Variants in ADGRL3 observed in about 807,000 individuals in gnomAD.
The protein encoded by ADGRL3 is calcium-independent alpha-latrotoxin receptor 3.
A neutral mutation model predicts 153.5 loss-of-function variants in ADGRL3; 62 were observed. That is an observed-to-expected ratio of 0.40 (90% CI 0.33 to 0.50). The LOEUF (loss-of-function observed/expected upper bound fraction) is 0.50, where lower values mean the gene tolerates loss of function less well. Ranked by LOEUF, ADGRL3 falls within the 20% of genes least tolerant of loss-of-function variation. ADGRL3 has a pLI of 0.47. For synonymous variants in ADGRL3, 710 were observed against 672.5 expected, an observed-to-expected ratio of 1.06 and a Z score of -0.86; for missense variants, 1,641 against 1,859.4, an observed-to-expected ratio of 0.88 and a Z score of 2.16.
chr4:61,374,613 A>G (rs2096582003), intron 1 of ADGRL3, among the ~76,000 whole-genome samples: 1 of 152,132 alleles, frequency 6.6e-6, no homozygotes, highest in African/African-American at 2.4e-5. Flanking sequence ...CACTACAGGC[A>G]ATGTGGGAAG....
Position 61,892,656 on chromosome 4 carries a change from A to T in ADGRL3, c.1481A>T (p.Asp494Val), listed in dbSNP as rs745917625. The part of the protein sequence containing the change: ...DSELERPSVK[D>V]ISTTGPLGMG... ...TGTTTTCTTTCTAATTTTATTTCAG[A>T]TATCTCTACCACAGGACCTCTTGGC... Residue 494 changes from aspartate (D) to valine (V), a missense_variant and splice_region_variant, in exon 10 of 27, where the codon GAT becomes GTT. Around this residue, in one of 5 missense-constraint regions of ADGRL3, gnomAD observed 734 missense variants for 797.0 expected, o/e 0.92. Coordinates refer to ENST00000683033, the MANE Select transcript of ADGRL3 (RefSeq NM_001387552.1). The T allele has an allele frequency of 8.7e-6, 14 of 1,612,926 alleles. No homozygotes were observed. The highest frequency in any genetic ancestry group is 1.1e-5 in the Non-Finnish European group (13 of 1,179,066).
At chr4:61,235,117 G>A (rs1021759845) in intron 1 of ADGRL3, among the ~76,000 whole-genome samples, 8 of 152,154 alleles carry the variant, frequency 5.3e-5, no homozygotes, top group East Asian at 1.9e-4. Context: ...AATGAGAAAC[G>A]ACCTCTTTGT....
At chr4:61,670,582 A>T (rs2094956455) in intron 5 of ADGRL3, among the ~76,000 whole-genome samples, 1 of 152,114 alleles carries the variant, frequency 6.6e-6, no homozygotes. Flanking sequence ...AAGAAGAATA[A>T]GGCATGTAAA....
chr4:61,484,059 G>A (rs932388799), intron 2 of ADGRL3, among the ~76,000 whole-genome samples: 2 of 151,562 alleles, frequency 1.3e-5, no homozygotes, highest in East Asian at 3.9e-4. Flanking sequence ...TTTCTACTTA[G>A]GTCCTATCAC....
chr4:61,742,267 C>CTCT (rs913881499), intron 8 of ADGRL3, among the ~76,000 whole-genome samples: 12 of 151,822 alleles, frequency 7.9e-5, no homozygotes, highest in African/African-American at 2.9e-4. Context: ...ATTATTCTTA[C>CTCT]TCTTCTTCTT....
chr4:61,560,370 A>T (rs1264467885), intron 4 of ADGRL3, among the ~76,000 whole-genome samples: 1 of 152,118 alleles, frequency 6.6e-6, no homozygotes, highest in Non-Finnish European at 1.5e-5. Flanking sequence ...TTTCCTTTCC[A>T]CTTCAAAGTA....
chr4:62,067,984 T>C (rs546758291), intron 25 of ADGRL3, among the ~76,000 whole-genome samples, 182 bp from the exon 26 acceptor site: 226 of 152,252 alleles, frequency 1.5e-3, no homozygotes, highest in African/African-American at 5.2e-3. Flanking sequence ...GACTAACATT[T>C]CAGTATTTTT....
intron 21 of ADGRL3, among the ~76,000 whole-genome samples, chr4:62,023,708 CT>C (rs1008924278): frequency 6.6e-6 from 1 of 151,996 alleles, no homozygotes; most frequent in Non-Finnish European, 1.5e-5. Context: ...AATATGGTAA[CT>C]TTTTTTTAAC....
intron 4 of ADGRL3, among the ~76,000 whole-genome samples, chr4:61,539,176 C>T (rs138143351): frequency 1.6e-4 from 25 of 152,288 alleles, no homozygotes; most frequent in Admixed American, 1.6e-3. Flanking sequence ...AGATGGGCTA[C>T]ACCCTTCATG....
chr4:61,543,601 A>C (rs1219038965), intron 4 of ADGRL3, among the ~76,000 whole-genome samples: 2 of 152,162 alleles, frequency 1.3e-5, no homozygotes, highest in Non-Finnish European at 2.9e-5. Context: ...AACTTAATAC[A>C]TTCTCTTCTT....
chr4:61,381,100 T>C (rs2096661709), intron 1 of ADGRL3, among the ~76,000 whole-genome samples: 1 of 151,994 alleles, frequency 6.6e-6, no homozygotes, highest in South Asian at 2.1e-4. Context: ...CATAAGTGGC[T>C]GTAATTGAGA....
At chr4:62,034,018 A>G (rs1288040995) in intron 23 of ADGRL3, among the ~76,000 whole-genome samples, 3 of 151,800 alleles carry the variant, frequency 2.0e-5, no homozygotes, top group Non-Finnish European at 4.4e-5. Flanking sequence ...TATCACTGGA[A>G]TAAGTAAGAA....
At chr4:61,425,822 C>G (rs1207234360) in intron 2 of ADGRL3, among the ~76,000 whole-genome samples, 1 of 152,246 alleles carries the variant, frequency 6.6e-6, no homozygotes, top group Non-Finnish European at 1.5e-5. Flanking sequence ...AGGCCCTCCC[C>G]CCTGGGGCTA....
chr4:61,607,026 A>G (rs1409451112), intron 5 of ADGRL3, among the ~76,000 whole-genome samples: 1 of 152,184 alleles, frequency 6.6e-6, no homozygotes, highest in African/African-American at 2.4e-5. Flanking sequence ...AAAGAGTTAA[A>G]TTAACACTAG....
At chr4:62,028,948 T>A (rs1720437899) in intron 22 of ADGRL3, 67 bp downstream of exon 22, 3 of 1,387,736 alleles carry the variant, frequency 2.2e-6, no homozygotes, top group African/African-American at 1.4e-5. Context: ...AGCTGTCAGA[T>A]CAGTACTGAA....
intron 13 of ADGRL3, among the ~76,000 whole-genome samples, chr4:61,930,228 G>C (rs1270967077): frequency 6.6e-6 from 1 of 151,258 alleles, no homozygotes; most frequent in Non-Finnish European, 1.5e-5. Flanking sequence ...CTTTCCATAA[G>C]GCATTCCTTC....
At chr4:61,970,727 G>T (rs1379256283) in intron 17 of ADGRL3, among the ~76,000 whole-genome samples, 2 of 152,114 alleles carry the variant, frequency 1.3e-5, no homozygotes, top group African/African-American at 4.8e-5. Context: ...GGTTGCTTCA[G>T]TTAATTTGCC....
intron 1 of ADGRL3, among the ~76,000 whole-genome samples, chr4:61,310,322 A>C (rs1285289448): frequency 6.6e-6 from 1 of 152,044 alleles, no homozygotes; most frequent in African/African-American, 2.4e-5. Flanking sequence ...TAGAGCGCTT[A>C]GGCTCTTGGT....
chr4:61,629,864 G>A (rs1030242133), intron 5 of ADGRL3, among the ~76,000 whole-genome samples: 2 of 150,324 alleles, frequency 1.3e-5, no homozygotes, highest in Admixed American at 6.7e-5. Context: ...CCATGTGTTG[G>A]CATGATATTC....
Sources: gnomAD v4.1 joint callset for allele counts (sites outside exome capture counted in the v4.1 genomes callset) on GRCh38, gnomAD v4.1.1 for gene constraint, gnomAD v4.1.1 regional missense constraint, MANE v1.5 for transcripts, NCBI Gene and HGNC (gene_info 2026-07-23, HGNC 2026-07-21) for gene names.